The following CAMTA1 variants were observed in gnomAD, a reference collection of about 807,000 sequenced individuals.
The protein encoded by CAMTA1 is calmodulin binding transcription activator 1, also known as calmodulin-binding transcription activator 1.
A neutral mutation model predicts 170.9 loss-of-function variants in CAMTA1; 27 were observed. That is an observed-to-expected ratio of 0.16 (90% CI 0.12 to 0.22). The LOEUF is 0.22. Among genes scored for constraint, CAMTA1 ranks in the 10% least tolerant of loss-of-function variants. The probability of loss-of-function intolerance (pLI) is 1.00; values close to 1 mark genes in which losing one functional copy is unlikely to be tolerated. For synonymous variants in CAMTA1, 833 were observed against 891.5 expected (o/e 0.93, Z 1.17); for missense variants, 1,619 against 2,217.2 (o/e 0.73, Z 5.42).
At chr1:7,659,125 G>T (rs2095931637) in intron 7 of CAMTA1, among the ~76,000 whole-genome samples, 1 of 152,218 alleles carries the variant, frequency 6.6e-6, no homozygotes, top group African/African-American at 2.4e-5. Flanking sequence ...GAAGCAGAGG[G>T]GAAGGAAAGG....
intron 5 of CAMTA1, among the ~76,000 whole-genome samples, chr1:7,398,193 CTATATATATATATATATATATATATATA>C (rs3034829): frequency 5.9e-5 from 1 of 16,892 alleles, no homozygotes; most frequent in South Asian, 3.2e-3. Flanking sequence ...CTCTCTCTCT[CTATATATATATATATATATATATATATA>C]TATATATATA....
At chr1:7,019,303 G>A (rs1701026110) in intron 3 of CAMTA1, among the ~76,000 whole-genome samples, 1 of 151,408 alleles carries the variant, frequency 6.6e-6, no homozygotes, top group East Asian at 1.9e-4. Context: ...GTTGTGTCGG[G>A]GACACCTAGA....
chr1:7,354,493 T>C (rs1192227358), intron 5 of CAMTA1, among the ~76,000 whole-genome samples: 2 of 152,220 alleles, frequency 1.3e-5, no homozygotes, highest in Non-Finnish European at 2.9e-5. Flanking sequence ...GGCACCTAGG[T>C]TGATTCTGTA....
intron 3 of CAMTA1, among the ~76,000 whole-genome samples, chr1:7,087,273 G>A (rs1640877179): frequency 6.6e-6 from 1 of 152,154 alleles, no homozygotes. Flanking sequence ...CTTTTTCCCT[G>A]CTTCCTATGA....
At chr1:7,171,408 T>C (rs1649567486) in intron 4 of CAMTA1, among the ~76,000 whole-genome samples, 1 of 152,192 alleles carries the variant, frequency 6.6e-6, no homozygotes, top group Non-Finnish European at 1.5e-5. Flanking sequence ...TCTTTCTCTT[T>C]CCAGCCCTGC....
rs1019546215 is a variant in CAMTA1 at position 6,917,854 on chromosome 1, G to T, written c.234+92644G>T. 6.6e-4 allele frequency among the ~76,000 whole-genome samples: 98 copies of T among 147,612 alleles called. 1 individual carries two copies. Among genetic ancestry groups the T allele is most frequent in the Middle Eastern group, 3.4e-3 (1 of 290 alleles). On this transcript the variant is annotated intron_variant, in intron 3 of 22. Transcript: ENST00000303635. Reference sequence around the variant, plus strand: ...CAGAAGCAAAACCCATCGGGGGCGGGGGGGGACATCTACATGCCATCTTTG... The same window carrying T: ...CAGAAGCAAAACCCATCGGGGGCGGTGGGGGACATCTACATGCCATCTTTG...
intron 1 of CAMTA1, among the ~76,000 whole-genome samples, chr1:6,810,665 C>T (rs193102434): frequency 3.7e-4 from 57 of 152,170 alleles, no homozygotes; most frequent in African/African-American, 1.3e-3. Context: ...TTTAGCCGGG[C>T]GTGGTGGCGG....
At chr1:7,324,756 G>A (rs1180454883) in intron 5 of CAMTA1, among the ~76,000 whole-genome samples, 3 of 149,158 alleles carry the variant, frequency 2.0e-5, no homozygotes, top group Admixed American at 6.7e-5. Context: ...GCAGTGACCC[G>A]AGATCGCGCC....
At chr1:7,263,225 G>A (rs991837903) in intron 5 of CAMTA1, among the ~76,000 whole-genome samples, 33 of 152,072 alleles carry the variant, frequency 2.2e-4, no homozygotes, top group Non-Finnish European at 1.5e-5. Context: ...GTATAAATGT[G>A]GAGAGGCTGA....
At chr1:7,275,367 G>A (rs1177535949) in intron 5 of CAMTA1, among the ~76,000 whole-genome samples, 1 of 150,974 alleles carries the variant, frequency 6.6e-6, no homozygotes. Flanking sequence ...AGAGAAAGAA[G>A]AACCAATTAA....
At chr1:7,219,856 G>A (rs1660426577) in intron 4 of CAMTA1, among the ~76,000 whole-genome samples, 1 of 152,040 alleles carries the variant, frequency 6.6e-6, no homozygotes, top group Non-Finnish European at 1.5e-5. Flanking sequence ...GGCAACACAG[G>A]GAGACCCCAT....
At chr1:7,618,637 A>G (rs1048989352) in intron 6 of CAMTA1, among the ~76,000 whole-genome samples, 5 of 152,224 alleles carry the variant, frequency 3.3e-5, no homozygotes, top group African/African-American at 1.2e-4. Context: ...AAGGCCACAC[A>G]TCAGGGAAGG....
In CAMTA1 at chr1:7,626,725, G is replaced by A. The variant is rs142854169; in HGVS notation, c.511-13675G>A. On this transcript the variant is annotated intron_variant, in intron 6 of 22. Transcript: ENST00000303635. ...ACTCTCTACCTGTCTGCTGCGTGAC[G>A]TTCAACTCAGAGTCTCTCTTGCTTC... 2.3e-4 allele frequency among the ~76,000 whole-genome samples: 35 copies of A among 152,288 alleles called. No individual in the cohort carries two copies. In the East Asian group the frequency reaches 5.2e-3, roughly 23 times the overall value.
At chr1:7,327,406 C>CAAAAAA (rs34737058) in intron 5 of CAMTA1, among the ~76,000 whole-genome samples, 48 of 87,864 alleles carry the variant, frequency 5.5e-4, no homozygotes, top group Admixed American at 6.2e-4. Flanking sequence ...GACTCCATCT[C>CAAAAAA]AAAAAAAAAA....
chr1:7,038,213 A>G (rs1224382343), intron 3 of CAMTA1, among the ~76,000 whole-genome samples: 2 of 152,194 alleles, frequency 1.3e-5, no homozygotes, highest in Admixed American at 6.5e-5. Context: ...AGTCAAATTC[A>G]TATTTAGAAA....
chr1:7,735,760 T>G (rs2096767472), intron 12 of CAMTA1, among the ~76,000 whole-genome samples: 1 of 151,946 alleles, frequency 6.6e-6, no homozygotes, highest in South Asian at 2.1e-4. Flanking sequence ...TCTTGGGGGT[T>G]TGGGTTTTTT....
At chr1:7,003,941 C>T (rs541979022) in intron 3 of CAMTA1, among the ~76,000 whole-genome samples, 22 of 152,234 alleles carry the variant, frequency 1.4e-4, no homozygotes, top group African/African-American at 3.6e-4. Flanking sequence ...ATTAACTCCC[C>T]GAAAGGGTCA....
rs1673373275 is a variant in CAMTA1 at position 7,293,006 on chromosome 1, A to C, written c.438+43380A>C. Among the ~76,000 whole-genome samples, 1 of 152,086 alleles carries C rather than the reference A, an allele frequency of 6.6e-6. No homozygotes were observed. The highest frequency in any genetic ancestry group is 2.4e-5 in the African/African-American group (1 of 41,440). ...GGCATGTCCTCCCTGCCTCCTGGGAATCCTGGGGAAGAACCACCCTAGGAA... is the reference window on the plus strand; with the variant it reads ...GGCATGTCCTCCCTGCCTCCTGGGACTCCTGGGGAAGAACCACCCTAGGAA... On this transcript the variant is annotated intron_variant, in intron 5 of 22. Coordinates refer to ENST00000303635, the MANE Select transcript of CAMTA1 (RefSeq NM_015215.4). The surrounding 1 kb of genome is among the most constrained non-coding windows in gnomAD (Gnocchi z 4.1).
rs1388912914 is a variant in CAMTA1 at position 7,249,334 on chromosome 1, T to C, written c.303-157T>C. Among the ~76,000 whole-genome samples, 1 of 152,226 alleles carries C rather than the reference T, an allele frequency of 6.6e-6. No homozygotes were observed. Among genetic ancestry groups the C allele is most frequent in the Non-Finnish European group, 1.5e-5 (1 of 68,034 alleles). ...AATTTTGGCTGGCCATAAAACATGG[T>C]TAATCCAGGGAGATGCAATAAAAGG... On this transcript the variant is annotated intron_variant, in intron 4 of 22. Coordinates refer to ENST00000303635, the MANE Select transcript of CAMTA1 (RefSeq NM_015215.4). This position sits in a 1 kb window ranked among gnomAD's most constrained non-coding sequence, Gnocchi z 4.4.
Sources: allele counts gnomAD v4.1 joint callset (sites outside exome capture counted in the v4.1 genomes callset), GRCh38; gene constraint gnomAD v4.1.1; non-coding constraint Gnocchi (gnomAD v3.1); transcripts MANE v1.5; gene names NCBI Gene and HGNC (gene_info 2026-07-23, HGNC 2026-07-21).